Variants in PCYT1B observed in about 807,000 individuals in gnomAD.
PCYT1B encodes choline-phosphate cytidylyltransferase B.
In PCYT1B, 10 loss-of-function variants were observed where a neutral mutation model predicts 26.4. The ratio of observed to expected loss-of-function variants is 0.38; its 90% CI spans 0.23 to 0.64. The LOEUF is 0.64. Among genes scored for constraint, PCYT1B ranks in the 30% least tolerant of loss-of-function variants. The pLI, the probability that PCYT1B is intolerant of heterozygous loss-of-function variation, is 0.56. For missense variants in PCYT1B, 161 were observed against 292.7 expected, an observed-to-expected ratio of 0.55 and a Z score of 3.28; for synonymous variants, 131 against 108.4, an observed-to-expected ratio of 1.21 and a Z score of -1.29.
At chrX:24,611,203 G>T (rs963653908) in intron 2 of PCYT1B, among the ~76,000 whole-genome samples, 5 of 111,433 alleles carry the variant, frequency 4.5e-5, no homozygotes, top group South Asian at 7.7e-4. Context: ...TGGTTGTTAG[G>T]TATGAGTGAC....
intron 6 of PCYT1B, 113 bp downstream of exon 6, chrX:24,579,199 AAGAG>A (rs371710868): frequency 1.9e-5 from 9 of 469,773 alleles, no homozygotes; most frequent in South Asian, 4.8e-5. Context: ...AAAAAAAAAA[AAGAG>A]AGAGAGAGAG....
rs184878257 is a variant in PCYT1B, at chrX:24,615,969, C to A, written c.217+3016G>T. On this transcript the variant is annotated intron_variant, in intron 2 of 7. Transcript: ENST00000379144. ...CTTGGGGTCAAATTCCAGCTCTACC[C>A]AGTCAACTAGGACACTTGACAAGTT... Among the ~76,000 whole-genome samples the A allele has an allele frequency of 3.5e-3, 388 of 111,472 alleles. 3 individuals carry two copies. The highest frequency in any genetic ancestry group is 0.021 in the Admixed American group (216 of 10,379).
chrX:24,629,421 G>A (rs947278516), intron 1 of PCYT1B, among the ~76,000 whole-genome samples: 2 of 106,992 alleles, frequency 1.9e-5, no homozygotes, highest in African/African-American at 6.8e-5. Context: ...AGCTAGGCAT[G>A]GTGGTGTACG....
chrX:24,638,091 A>G (rs1926350555), intron 1 of PCYT1B, among the ~76,000 whole-genome samples: 1 of 59,584 alleles, frequency 1.7e-5, no homozygotes, highest in Admixed American at 2.0e-4. Context: ...CTATTAACCT[A>G]TTACCGTTGT....
chrX:24,586,267 G>A (rs1924368321), intron 5 of PCYT1B, among the ~76,000 whole-genome samples: 1 of 112,699 alleles, frequency 8.9e-6, no homozygotes, highest in South Asian at 3.7e-4. Context: ...AAGATGGAAC[G>A]GGCTGCCTCA....
At chrX:24,636,565 A>G (rs1926277223) in intron 1 of PCYT1B, among the ~76,000 whole-genome samples, 1 of 112,286 alleles carries the variant, frequency 8.9e-6, no homozygotes, top group African/African-American at 3.2e-5. Flanking sequence ...GTGAGCCAAG[A>G]TTGCACGATT....
upstream of PCYT1B, chrX:24,672,734 G>T: frequency 1.6e-6 from 1 of 625,476 alleles, no homozygotes; most frequent in Non-Finnish European, 2.6e-6. Flanking sequence ...CAAAGGTCAA[G>T]CAGGCTCTCT....
chrX:24,596,607 A>AAT (rs1924788575), intron 3 of PCYT1B, among the ~76,000 whole-genome samples: 1 of 109,292 alleles, frequency 9.1e-6, no homozygotes, highest in Non-Finnish European at 1.9e-5. Context: ...AAAAAAAAAA[A>AAT]AGTGCTGGTG....
At chrX:24,587,660 C>G (rs1602161265) in intron 4 of PCYT1B, among the ~76,000 whole-genome samples, 2 of 111,771 alleles carry the variant, frequency 1.8e-5, no homozygotes, top group East Asian at 5.6e-4. Flanking sequence ...TATCATCCCT[C>G]CTATGATGAG....
At chrX:24,590,259 A>G (rs1432450814) in intron 3 of PCYT1B, 85 bp from the exon 4 acceptor site, 23 of 839,651 alleles carry the variant, frequency 2.7e-5, no homozygotes, top group Non-Finnish European at 3.7e-5. Context: ...CTTCTTCAGC[A>G]GGACAAAAGA....
In PCYT1B at chrX:24,647,263, T is replaced by G; in HGVS notation, c.-158A>C. 1.1e-6 allele frequency: 1 copy of G among 921,892 alleles called. No individual in the cohort carries two copies. Among genetic ancestry groups the G allele is most frequent in the Non-Finnish European group, 1.4e-6 (1 of 733,130 alleles). 76.0% of individuals were successfully genotyped at this position (921,892 alleles called of 1,213,427 possible). On this transcript the variant is annotated 5_prime_UTR_variant, in exon 1 of 8. Transcript: ENST00000379144. ...TCTTCCCTAGGGGAAGTAAAGAGGTTACCCCCCGCCCCTCTCTCTCTCTCT... is the reference window on the plus strand; with the variant it reads ...TCTTCCCTAGGGGAAGTAAAGAGGTGACCCCCCGCCCCTCTCTCTCTCTCT...
At chrX:24,619,114 G>C in intron 1 of PCYT1B, 30 bp from the exon 2 acceptor site, 1 of 1,057,893 alleles carries the variant, frequency 9.5e-7, no homozygotes, top group Non-Finnish European at 1.3e-6. Context: ...AGGGAATACA[G>C]TCTGACAAAC....
chrX:24,598,052 T>C (rs1924841992), intron 3 of PCYT1B, among the ~76,000 whole-genome samples: 1 of 112,184 alleles, frequency 8.9e-6, no homozygotes, highest in South Asian at 3.7e-4. Context: ...AAACCAAAGC[T>C]ATATAGGCTG....
At chrX:24,658,506 CT>C (rs1203809740) in intron 1 of PCYT1B, among the ~76,000 whole-genome samples, 20,169 of 58,460 alleles carry the variant, frequency 0.35, 2,752 homozygotes, top group East Asian at 0.49. Context: ...TGTTTCATTG[CT>C]TTTTTTTTTT....
chrX:24,640,291 G>C (rs1489490133), intron 1 of PCYT1B, among the ~76,000 whole-genome samples: 1 of 111,975 alleles, frequency 8.9e-6, no homozygotes, highest in African/African-American at 3.2e-5. Context: ...TAACTCATTT[G>C]ATCTCTCTAC....
At chrX:24,668,910 A>G (rs1301411115) in intron 1 of PCYT1B, among the ~76,000 whole-genome samples, 1 of 111,159 alleles carries the variant, frequency 9.0e-6, no homozygotes, top group African/African-American at 3.3e-5. Context: ...TTCTGGAGTT[A>G]TTTGATGGTG....
chrX:24,575,381 T>C (rs1211947466), intron 6 of PCYT1B, 63 bp from the exon 7 acceptor site: 9 of 845,797 alleles, frequency 1.1e-5, no homozygotes, highest in Non-Finnish European at 1.5e-5. Context: ...GAGAGATCAA[T>C]CATTCACATT....
Position 24,562,217 on chromosome X carries a change from A to T in PCYT1B, c.*76T>A. 1 of 1,182,524 alleles carries T rather than the reference A, an allele frequency of 8.5e-7. No individual in the cohort carries two copies. Among genetic ancestry groups the T allele is most frequent in the Non-Finnish European group, 1.1e-6 (1 of 880,045 alleles). On this transcript the variant is annotated 3_prime_UTR_variant, in exon 8 of 8. Coordinates refer to ENST00000379144, the MANE Select transcript of PCYT1B (RefSeq NM_004845.5). ...AGCTCCTGTGACTATTACCCTTCAA[A>T]CACCACCCAGGCAACCCTGTGACTC...
At chrX:24,589,954 C>T (rs1027008560) in intron 4 of PCYT1B, 69 bp downstream of exon 4, 14 of 921,203 alleles carry the variant, frequency 1.5e-5, no homozygotes, top group African/African-American at 4.0e-5. Flanking sequence ...TTGGGCTTTC[C>T]GTAGTCTTGG....
Sources: gnomAD v4.1 joint callset for allele counts (sites outside exome capture counted in the v4.1 genomes callset) on GRCh38, gnomAD v4.1.1 for gene constraint, MANE v1.5 for transcripts, NCBI Gene and HGNC (gene_info 2026-07-23, HGNC 2026-07-21) for gene names.